Variants in WASL observed in about 807,000 individuals in gnomAD.
The protein encoded by WASL is WASP like actin nucleation promoting factor, also known as actin nucleation-promoting factor WASL.
In WASL, 20 loss-of-function variants were observed where a neutral mutation model predicts 55.5. The ratio of observed to expected loss-of-function variants is 0.36; its 90% CI spans 0.25 to 0.52. WASL has a LOEUF of 0.52. Ranked by LOEUF, WASL falls within the 20% of genes least tolerant of loss-of-function variation. The pLI, the probability that WASL is intolerant of heterozygous loss-of-function variation, is 0.92. For missense variants in WASL, 504 were observed against 622.5 expected (o/e 0.81, Z 2.03); for synonymous variants, 249 against 217.6 (o/e 1.14, Z -1.27).
At chr7:123,695,367 G>A (rs1278501721) in intron 7 of WASL, among the ~76,000 whole-genome samples, 1 of 152,096 alleles carries the variant, frequency 6.6e-6, no homozygotes, top group East Asian at 1.9e-4. Context: ...TTAAAATAAT[G>A]CATCCAAACG....
At chr7:123,702,415 CACT>C (rs1002073350) in intron 5 of WASL, among the ~76,000 whole-genome samples, 59 of 152,118 alleles carry the variant, frequency 3.9e-4, no homozygotes, top group African/African-American at 1.3e-3. Flanking sequence ...TATGAAACAC[CACT>C]GTTATATAAA....
At chr7:123,700,203 A>AC (rs1215716411) in intron 5 of WASL, among the ~76,000 whole-genome samples, 3 of 71,910 alleles carry the variant, frequency 4.2e-5, no homozygotes, top group Admixed American at 1.6e-4. Flanking sequence ...AAAAAAAAAA[A>AC]AAAACAACAT....
chr7:123,697,819 C>T (rs1006764), intron 5 of WASL, among the ~76,000 whole-genome samples: 69,771 of 152,110 alleles, frequency 0.46, 16,257 homozygotes, highest in South Asian at 0.67. Flanking sequence ...TGTGTCTAAA[C>T]TGTTTGTGCT....
intron 1 of WASL, among the ~76,000 whole-genome samples, chr7:123,710,602 G>A (rs960780489): frequency 6.6e-6 from 1 of 152,096 alleles, no homozygotes; most frequent in Non-Finnish European, 1.5e-5. Context: ...GACTTGCTCA[G>A]ATAACAATGT....
intron 1 of WASL, among the ~76,000 whole-genome samples, chr7:123,734,030 A>C (rs532499452): frequency 9.9e-5 from 15 of 152,272 alleles, no homozygotes; most frequent in Admixed American, 9.8e-4. Flanking sequence ...GAGTTCTAGA[A>C]GAGAACATAA....
At chr7:123,716,590 A>C (rs1024544507) in intron 1 of WASL, among the ~76,000 whole-genome samples, 10 of 151,948 alleles carry the variant, frequency 6.6e-5, no homozygotes, top group African/African-American at 2.4e-4. Flanking sequence ...CCTGATAACA[A>C]GGGGAAAAAA....
At chr7:123,743,308 G>A (rs1804377746) in intron 1 of WASL, among the ~76,000 whole-genome samples, 1 of 143,124 alleles carries the variant, frequency 7.0e-6, no homozygotes, top group Non-Finnish European at 1.5e-5. Context: ...CTGCACTCCC[G>A]CCTTGGCGAC....
chr7:123,709,127 G>T lies in WASL; in HGVS notation c.214C>A (p.Pro72Thr). The T allele has an allele frequency of 6.2e-7, 1 of 1,610,558 alleles. No homozygotes were observed. The highest frequency in any genetic ancestry group is 8.5e-7 in the Non-Finnish European group (1 of 1,177,998). The change falls in exon 2 of 11, where the codon CCA (proline) becomes ACA (threonine). Residue 72 changes from proline (P) to threonine (T), a missense_variant. This residue lies in a region of WASL where 230 missense variants were observed against 271.9 expected (regional missense o/e 0.85). Coordinates refer to ENST00000223023, the MANE Select transcript of WASL (RefSeq NM_003941.4). ...SGVACLVKDN[P>T]QRSYFLRIFD... The stretch of plus-strand genomic sequence containing the variant: ...ATTCTTAAAAAATAAGATCTCTGTG[G>T]ATTGTCCTTAACAAGACAAGCAACA...
At chr7:123,724,320 T>C (rs1172788728) in intron 1 of WASL, among the ~76,000 whole-genome samples, 2 of 152,200 alleles carry the variant, frequency 1.3e-5, no homozygotes, top group Non-Finnish European at 2.9e-5. Flanking sequence ...AAACATATCA[T>C]ACTTCTCAGC....
At chr7:123,724,254 C>A (rs947713330) in intron 1 of WASL, among the ~76,000 whole-genome samples, 1 of 152,174 alleles carries the variant, frequency 6.6e-6, no homozygotes, top group African/African-American at 2.4e-5. Flanking sequence ...TTGACACTAT[C>A]TTGTTATGAA....
chr7:123,739,526 A>G (rs558890736), intron 1 of WASL, among the ~76,000 whole-genome samples: 1 of 152,314 alleles, frequency 6.6e-6, no homozygotes, highest in African/African-American at 2.4e-5. Flanking sequence ...TACAGTATTC[A>G]ACAAATTATG....
At chr7:123,748,466 G>T in intron 1 of WASL, 152 bp downstream of exon 1, 2 of 629,766 alleles carry the variant, frequency 3.2e-6, no homozygotes, top group South Asian at 2.6e-5. Flanking sequence ...AGCAGGGCGA[G>T]GGCGCCGACG....
At chr7:123,692,322 A>C in intron 9 of WASL, 25 bp downstream of exon 9, 1 of 1,582,130 alleles carries the variant, frequency 6.3e-7, no homozygotes, top group Non-Finnish European at 8.5e-7. Context: ...AGGATCTAAA[A>C]TGAAAAAAAA....
intron 10 of WASL, among the ~76,000 whole-genome samples, chr7:123,685,868 A>ATATATAAATATATATAAATATG (rs1249788767): frequency 7.2e-6 from 1 of 138,118 alleles, no homozygotes; most frequent in East Asian, 2.0e-4. Flanking sequence ...CTATATATAA[A>ATATATAAATATATATAAATATG]TATATAAATA....
intron 2 of WASL, 149 bp downstream of exon 2, chr7:123,708,940 C>T: frequency 1.5e-6 from 1 of 675,070 alleles, no homozygotes; most frequent in South Asian, 4.9e-5. Context: ...TTTCCGTATG[C>T]AATATCTAAA....
intron 1 of WASL, among the ~76,000 whole-genome samples, chr7:123,716,957 T>C (rs1391901538): frequency 6.6e-6 from 1 of 152,210 alleles, no homozygotes; most frequent in East Asian, 1.9e-4. Flanking sequence ...CAGCTGCTAA[T>C]TCTATACTCA....
chr7:123,706,963 T>C (rs1329452866), intron 2 of WASL, 137 bp from the exon 3 acceptor site: 2 of 461,324 alleles, frequency 4.3e-6, no homozygotes, highest in East Asian at 3.6e-5. Flanking sequence ...ATATTTATAA[T>C]ATATAAATAG....
At chr7:123,690,636 G>C (rs1315031293) in intron 9 of WASL, among the ~76,000 whole-genome samples, 1 of 58,834 alleles carries the variant, frequency 1.7e-5, no homozygotes, top group Non-Finnish European at 3.8e-5. Context: ...TGGAAAGAAA[G>C]GGAGAGTTGG....
intron 8 of WASL, among the ~76,000 whole-genome samples, chr7:123,693,987 CA>C (rs1293397921): frequency 6.6e-6 from 1 of 152,084 alleles, no homozygotes; most frequent in Non-Finnish European, 1.5e-5. Flanking sequence ...ATGAAAAAGA[CA>C]TAAGTAAACT....
Sources: gnomAD v4.1 joint callset for allele counts (sites outside exome capture counted in the v4.1 genomes callset) on GRCh38, gnomAD v4.1.1 for gene constraint, gnomAD v4.1.1 regional missense constraint, MANE v1.5 for transcripts, NCBI Gene and HGNC (gene_info 2026-07-23, HGNC 2026-07-21) for gene names.